The following ASCC3 variants were observed in gnomAD, a reference collection of about 807,000 sequenced individuals.
The protein encoded by ASCC3 is activating signal cointegrator 1 complex subunit 3.
In ASCC3, 158 loss-of-function variants were observed where a neutral mutation model predicts 256.3. The ratio of observed to expected loss-of-function variants is 0.62; its 90% CI spans 0.54 to 0.70. The LOEUF is 0.70. ASCC3 is among the 30% of genes least tolerant of loss of function. The pLI is 0.00. For missense variants in ASCC3, 2,259 were observed against 2,626.0 expected (o/e 0.86, Z 3.05); for synonymous variants, 948 against 883.4 (o/e 1.07, Z -1.30).
intron 1 of ASCC3, among the ~76,000 whole-genome samples, chr6:100,874,602 A>G (rs1387522625): frequency 1.3e-5 from 2 of 152,124 alleles, no homozygotes; most frequent in Admixed American, 6.5e-5. Context: ...CACTAAGCAA[A>G]TATTTATAGA....
chr6:100,781,251 C>T (rs1782433200), intron 8 of ASCC3, among the ~76,000 whole-genome samples: 1 of 152,174 alleles, frequency 6.6e-6, no homozygotes, highest in South Asian at 2.1e-4. Context: ...TTAAGTTCCA[C>T]AAGTGTTTTT....
chr6:100,625,484 C>A (rs1264213021), intron 29 of ASCC3, 150 bp from the exon 30 acceptor site: 2 of 897,798 alleles, frequency 2.2e-6, no homozygotes, highest in African/African-American at 1.7e-5. Context: ...ATGGATCTGG[C>A]AGCATATTAG....
At chr6:100,791,212 A>T (rs1176809609) in intron 8 of ASCC3, among the ~76,000 whole-genome samples, 4 of 151,926 alleles carry the variant, frequency 2.6e-5, no homozygotes, top group Non-Finnish European at 5.9e-5. Flanking sequence ...AGCATGTACC[A>T]CACTGAATGT....
chr6:100,622,997 C>T (rs1164389676), intron 30 of ASCC3, among the ~76,000 whole-genome samples: 2 of 152,068 alleles, frequency 1.3e-5, no homozygotes, highest in East Asian at 3.9e-4. Context: ...TAGGTTTGTA[C>T]ATTGTATCTT....
intron 29 of ASCC3, among the ~76,000 whole-genome samples, chr6:100,626,095 ATAAT>A (rs538842706): frequency 2.7e-3 from 410 of 152,182 alleles, no homozygotes; most frequent in Non-Finnish European, 4.7e-3. Flanking sequence ...ATCTTTAAAA[ATAAT>A]TAAAGAGCCA....
At chr6:100,685,142 A>C (rs1439675631) in intron 13 of ASCC3, among the ~76,000 whole-genome samples, 2 of 152,174 alleles carry the variant, frequency 1.3e-5, no homozygotes, top group Non-Finnish European at 2.9e-5. Flanking sequence ...ACTGCTAAGA[A>C]GTGAAGCAGA....
Position 100,540,219 on chromosome 6 carries a change from G to C in ASCC3, c.5719C>G (p.Pro1907Ala), listed in dbSNP as rs1160678278. 6.2e-7 allele frequency: 1 copy of C among 1,614,044 alleles called. No individual in the cohort carries two copies. The highest frequency in any genetic ancestry group is 2.2e-5 in the East Asian group (1 of 44,880). ...AHLSRAMLPC[P>A]DYDTDTKTVL... ...GTTTTGGTATCAGTGTCATAATCTG[G>C]GCAGGGTAGCATGGCTCGGCTGAGA... Residue 1907 changes from proline (P) to alanine (A), a missense_variant, in exon 37 of 42, where the codon CCA becomes GCA. Pro to Ala is a conservative substitution (Grantham distance 27). Transcript: ENST00000369162.
At chr6:100,720,027 G>C (rs1393971607) in intron 11 of ASCC3, among the ~76,000 whole-genome samples, 1 of 151,912 alleles carries the variant, frequency 6.6e-6, no homozygotes, top group East Asian at 1.9e-4. Flanking sequence ...AATAGCTTTG[G>C]AAGGCACTTC....
At chr6:100,785,789 G>C (rs1428726217) in intron 8 of ASCC3, among the ~76,000 whole-genome samples, 1 of 152,062 alleles carries the variant, frequency 6.6e-6, no homozygotes, top group African/African-American at 2.4e-5. Flanking sequence ...ATACAGAAAA[G>C]TCTAAGAAGC....
intron 36 of ASCC3, among the ~76,000 whole-genome samples, chr6:100,563,138 T>TA (rs1218086921): frequency 6.6e-6 from 1 of 152,064 alleles, no homozygotes; most frequent in East Asian, 1.9e-4. Flanking sequence ...ATTACCTTTT[T>TA]ACCTTTCAGA....
intron 8 of ASCC3, among the ~76,000 whole-genome samples, chr6:100,792,178 T>C (rs1769379649): frequency 6.6e-6 from 1 of 151,920 alleles, no homozygotes. Context: ...TTTCCTAGTA[T>C]TGTACTGTGG....
At chr6:100,655,456 C>A (rs1288714003) in intron 17 of ASCC3, among the ~76,000 whole-genome samples, 4 of 151,578 alleles carry the variant, frequency 2.6e-5, no homozygotes, top group Non-Finnish European at 5.9e-5. Flanking sequence ...TAGAAATATA[C>A]CTGAATACAT....
At chr6:100,603,768 G>T (rs1186656259) in intron 33 of ASCC3, among the ~76,000 whole-genome samples, 2 of 151,694 alleles carry the variant, frequency 1.3e-5, no homozygotes, top group African/African-American at 2.4e-5. Flanking sequence ...AATCATCTTT[G>T]CATTTATAGA....
chr6:100,672,172 C>T (rs1776785895), intron 14 of ASCC3, among the ~76,000 whole-genome samples: 1 of 151,938 alleles, frequency 6.6e-6, no homozygotes, highest in South Asian at 2.1e-4. Flanking sequence ...CACTTTATCC[C>T]TCTTTATTAT....
chr6:100,862,911 G>T lies in ASCC3; in HGVS notation c.241+1153C>A, dbSNP rs1267958771. Among the ~76,000 whole-genome samples the T allele has an allele frequency of 3.9e-5, 6 of 152,152 alleles. No individual in the cohort carries two copies. The East Asian group carries it at 1.2e-3, about 29-fold the overall frequency. On this transcript the variant is annotated intron_variant, in intron 3 of 41. Transcript: ENST00000369162. ...AAGGGATCTACCATCATTAAGATTA[G>T]AACAGAGCATTCCCAACACAGAGAG...
At chr6:100,587,866 G>T (rs565682268) in intron 36 of ASCC3, among the ~76,000 whole-genome samples, 4 of 152,274 alleles carry the variant, frequency 2.6e-5, no homozygotes, top group African/African-American at 9.6e-5. Flanking sequence ...TAAAACAAAC[G>T]TTTAATTCCC....
In ASCC3 at chr6:100,799,591, G is replaced by T; in HGVS notation, c.1128-19C>A. ...CTGTTCTCTGTAAACATAAAAATAG[G>T]CCTAATTTGAAATGTTTATCTTGAA... On this transcript the variant is annotated intron_variant, in intron 6 of 41. Transcript: ENST00000369162. 1 of 1,608,476 alleles carries T rather than the reference G, an allele frequency of 6.2e-7. No individual in the cohort carries two copies. The highest frequency in any genetic ancestry group is 8.5e-7 in the Non-Finnish European group (1 of 1,177,754).
intron 13 of ASCC3, among the ~76,000 whole-genome samples, chr6:100,707,546 G>C (rs1474102683): frequency 6.6e-6 from 1 of 151,896 alleles, no homozygotes; most frequent in Non-Finnish European, 1.5e-5. Context: ...TCTTTATTCA[G>C]TCTCTTTTGT....
intron 36 of ASCC3, among the ~76,000 whole-genome samples, chr6:100,544,737 T>G (rs1177254960): frequency 1.3e-5 from 2 of 152,052 alleles, no homozygotes; most frequent in East Asian, 3.9e-4. Flanking sequence ...TATCAAACAT[T>G]TAAGAAAGAA....
Sources: gnomAD v4.1 joint callset for allele counts (sites outside exome capture counted in the v4.1 genomes callset) on GRCh38, gnomAD v4.1.1 for gene constraint, MANE v1.5 for transcripts, NCBI Gene and HGNC (gene_info 2026-07-23, HGNC 2026-07-21) for gene names.